The following BPHL variants were observed in gnomAD, a reference collection of about 807,000 sequenced individuals.
BPHL encodes the protein biphenyl hydrolase like.
BPHL carries 27 observed loss-of-function variants against 31.2 expected under a neutral mutation model. The observed-to-expected ratio is 0.87, with a 90% CI of 0.64 to 1.19. The LOEUF (loss-of-function observed/expected upper bound fraction) is 1.19, where lower values mean the gene tolerates loss of function less well. Among genes scored for constraint, BPHL ranks in the 50% most tolerant of loss-of-function variants. BPHL has a pLI of 0.00. For synonymous variants in BPHL, 150 were observed against 146.8 expected (o/e 1.02, Z -0.16); for missense variants, 356 against 375.7 (o/e 0.95, Z 0.43).
At chr6:3,126,193 T>C (rs774493887) in intron 2 of BPHL, among the ~76,000 whole-genome samples, 1 of 152,206 alleles carries the variant, frequency 6.6e-6, no homozygotes, top group Non-Finnish European at 1.5e-5. Context: ...GTTTTCCTGG[T>C]TTTTAATTAT....
At chr6:3,126,582 C>T (rs960690400) in intron 2 of BPHL, among the ~76,000 whole-genome samples, 7 of 148,926 alleles carry the variant, frequency 4.7e-5, no homozygotes, top group Non-Finnish European at 8.8e-5. Flanking sequence ...AGGAAGCGCG[C>T]CTCCTTTTTT....
rs560415648 is a variant in BPHL, at chr6:3,131,867, C to T, written c.532+2669C>T. Among the ~76,000 whole-genome samples, 9 of 152,298 alleles carry T rather than the reference C, an allele frequency of 5.9e-5. No homozygotes were observed. The South Asian group carries it at 8.3e-4, about 14-fold the overall frequency. ...CCTGACACAGCTCCTTGGGCCTCCG[C>T]GTCTGGGATGGCGTCCCGGAGCCCT... On this transcript the variant is annotated intron_variant, in intron 4 of 6. Transcript: ENST00000380379.
At chr6:3,118,903 G>A (rs1761470695) in intron 1 of BPHL, 56 bp downstream of exon 1, 2 of 1,200,908 alleles carry the variant, frequency 1.7e-6, no homozygotes. Flanking sequence ...TCGAGGGGCG[G>A]CGGGAGGGGC....
At chr6:3,137,196 G>A (rs572636089) in intron 4 of BPHL, among the ~76,000 whole-genome samples, 166 bp from the exon 5 acceptor site, 37 of 152,138 alleles carry the variant, frequency 2.4e-4, no homozygotes, top group Non-Finnish European at 5.0e-4. Flanking sequence ...AGAAGGCACC[G>A]CAAAGCAGCA....
chr6:3,145,539 CCGGTTGGAGTGCTGGTGT>C (rs1762316182), intron 6 of BPHL, among the ~76,000 whole-genome samples: 1 of 30,304 alleles, frequency 3.3e-5, no homozygotes, highest in African/African-American at 1.2e-4. Flanking sequence ...AGTGCTGGTT[CCGGTTGGAGTGCTGGTGT>C]GGGTTGGAGT....
chr6:3,143,650 A>G lies in BPHL; in HGVS notation c.788+3141A>G, dbSNP rs1041798226. On this transcript the variant is annotated intron_variant, in intron 6 of 6. Coordinates refer to ENST00000380379, the MANE Select transcript of BPHL (RefSeq NM_004332.4). Reference sequence around the variant, plus strand: ...GCCTCCCGTGTCCACATTTCCTCCTATAAGTACAGCGGTCGTAATAGATTA... The same window carrying G: ...GCCTCCCGTGTCCACATTTCCTCCTGTAAGTACAGCGGTCGTAATAGATTA... Among the ~76,000 whole-genome samples, 17 of 152,304 alleles carry G rather than the reference A, an allele frequency of 1.1e-4. No homozygotes were observed. In the South Asian group the frequency reaches 1.2e-3, roughly 11 times the overall value.
At chr6:3,141,651 C>T (rs1388126695) in intron 6 of BPHL, among the ~76,000 whole-genome samples, 2 of 152,148 alleles carry the variant, frequency 1.3e-5, no homozygotes, top group Non-Finnish European at 2.9e-5. Flanking sequence ...CAGGCATGAG[C>T]CACCACTCCC....
At chr6:3,126,781 G>A (rs1761724204) in intron 2 of BPHL, 1 of 138,604 alleles carries the variant, frequency 7.2e-6, no homozygotes, top group Non-Finnish European at 1.5e-5. Flanking sequence ...TGGAGACTGA[G>A]TCTTGCCCTG....
rs1762466134 is a variant in BPHL at position 3,149,525 on chromosome 6, T to C, written c.789-2963T>C. 6.6e-6 allele frequency among the ~76,000 whole-genome samples: 1 copy of C among 151,910 alleles called. No homozygotes were observed. ...GCTCAGTGAGCTGTCGCCCCCACCA[T>C]CCCCAAATGCCTGGTCAGCCCTAAC... On this transcript the variant is annotated intron_variant, in intron 6 of 6. Coordinates refer to ENST00000380379, the MANE Select transcript of BPHL (RefSeq NM_004332.4). This position sits in a 1 kb window ranked among gnomAD's most constrained non-coding sequence, Gnocchi z 4.6.
intron 6 of BPHL, among the ~76,000 whole-genome samples, chr6:3,151,000 T>C (rs944666399): frequency 6.6e-6 from 1 of 152,202 alleles, no homozygotes; most frequent in Non-Finnish European, 1.5e-5. Context: ...CAGACAGTGC[T>C]GAACGGCTAA....
intron 1 of BPHL, among the ~76,000 whole-genome samples, chr6:3,121,618 A>T (rs1761578243): frequency 6.6e-6 from 1 of 152,058 alleles, no homozygotes; most frequent in African/African-American, 2.4e-5. Context: ...CACCTGGCCG[A>T]TCCTAAGCTA....
chr6:3,133,537 C>A (rs763280294), intron 4 of BPHL, among the ~76,000 whole-genome samples: 2 of 152,122 alleles, frequency 1.3e-5, no homozygotes, highest in Non-Finnish European at 2.9e-5. Context: ...CAGGTCCCCT[C>A]CCCCCACTTT....
chr6:3,145,757 C>G (rs1234421146), intron 6 of BPHL, among the ~76,000 whole-genome samples: 2 of 31,482 alleles, frequency 6.4e-5, no homozygotes, highest in African/African-American at 2.6e-4. Flanking sequence ...TGGTTTGGGT[C>G]GAGTGCTGGT....
rs1211605643 is a variant in BPHL at position 3,140,291 on chromosome 6, G to C, written c.665-95G>C. The C allele has an allele frequency of 1.3e-6, 2 of 1,492,880 alleles. No individual in the cohort carries two copies. Among genetic ancestry groups the C allele is most frequent in the African/African-American group, 1.4e-5 (1 of 71,580 alleles). 92.5% of individuals were successfully genotyped at this position (1,492,880 alleles called of 1,614,324 possible). On this transcript the variant is annotated intron_variant, in intron 5 of 6. Coordinates refer to ENST00000380379, the MANE Select transcript of BPHL (RefSeq NM_004332.4). The surrounding 1 kb of genome is among the most constrained non-coding windows in gnomAD (Gnocchi z 5.2). ...CAGTTTTTACGGATAGGGAAACTGAGGGCCAAGGAGGGGCAGGGCTCGCCG... is the reference window on the plus strand; with the variant it reads ...CAGTTTTTACGGATAGGGAAACTGACGGCCAAGGAGGGGCAGGGCTCGCCG...
chr6:3,149,585 A>G lies in BPHL; in HGVS notation c.789-2903A>G, dbSNP rs1762467435. On this transcript the variant is annotated intron_variant, in intron 6 of 6. Transcript: ENST00000380379. This position sits in a 1 kb window ranked among gnomAD's most constrained non-coding sequence, Gnocchi z 4.6. ...GCCTGGCCAGCCAGGGCAGCCCCCA[A>G]CTTCATCAGCAGCAAGGAGCTTGTG... 6.6e-6 allele frequency among the ~76,000 whole-genome samples: 1 copy of G among 152,226 alleles called. No homozygotes were observed. The highest frequency in any genetic ancestry group is 2.1e-4 in the South Asian group (1 of 4,820).
chr6:3,146,725 T>G (rs1304374207), intron 6 of BPHL, among the ~76,000 whole-genome samples: 6 of 96,344 alleles, frequency 6.2e-5, no homozygotes, highest in African/African-American at 2.0e-4. Flanking sequence ...TGGTTTGGGT[T>G]GAGTGCTGGT....
intron 4 of BPHL, among the ~76,000 whole-genome samples, chr6:3,132,495 T>C (rs536190880): frequency 6.6e-4 from 101 of 152,192 alleles, no homozygotes; most frequent in Non-Finnish European, 1.1e-3. Flanking sequence ...TTGCTCCACC[T>C]AACTCCCAAA....
chr6:3,147,344 A>AT (rs1377964161), intron 6 of BPHL, among the ~76,000 whole-genome samples: 1 of 152,226 alleles, frequency 6.6e-6, no homozygotes, highest in African/African-American at 2.4e-5. Flanking sequence ...ATACAGGTGA[A>AT]TAGGGCCCCC....
chr6:3,119,604 G>A, intron 1 of BPHL: 1 of 1,521,452 alleles, frequency 6.6e-7, no homozygotes, highest in Non-Finnish European at 9.0e-7. Flanking sequence ...GCAGAAATGT[G>A]GATAGAGCGG....
Sources: gnomAD v4.1 joint callset for allele counts (sites outside exome capture counted in the v4.1 genomes callset) on GRCh38, gnomAD v4.1.1 for gene constraint, Gnocchi (gnomAD v3.1) non-coding constraint, MANE v1.5 for transcripts, NCBI Gene and HGNC (gene_info 2026-07-23, HGNC 2026-07-21) for gene names.